Variants in NEDD9 observed in about 807,000 individuals in gnomAD.
The protein encoded by NEDD9 is neural precursor cell expressed, developmentally down-regulated 9.
Under a neutral mutation model 76.6 loss-of-function variants are expected in NEDD9, and 26 were observed. The observed-to-expected ratio is 0.34, with a 90% CI of 0.25 to 0.47. The LOEUF is 0.47. NEDD9 is among the 20% of genes least tolerant of loss of function. The pLI is 1.00. For missense variants in NEDD9, 937 were observed against 1,058.5 expected, an observed-to-expected ratio of 0.89 and a Z score of 1.59; for synonymous variants, 392 against 414.2, an observed-to-expected ratio of 0.95 and a Z score of 0.65.
At chr6:11,371,967 T>C (rs1047047893) in intron 1 of NEDD9, among the ~76,000 whole-genome samples, 1 of 152,198 alleles carries the variant, frequency 6.6e-6, no homozygotes, top group Non-Finnish European at 1.5e-5. Flanking sequence ...CAAGCATTTA[T>C]CCTCTGTGTT....
At chr6:11,303,397 T>C (rs999783507) in intron 3 of NEDD9, among the ~76,000 whole-genome samples, 1 of 152,276 alleles carries the variant, frequency 6.6e-6, no homozygotes, top group African/African-American at 2.4e-5. Flanking sequence ...ACATTCCATG[T>C]TCATGGATAG....
chr6:11,283,276 T>C (rs1349747054), intron 3 of NEDD9, among the ~76,000 whole-genome samples: 1 of 151,978 alleles, frequency 6.6e-6, no homozygotes, highest in Non-Finnish European at 1.5e-5. Flanking sequence ...ATTACAACCT[T>C]TGTGTTTATT....
At chr6:11,265,936 G>A (rs1214094903) in intron 3 of NEDD9, among the ~76,000 whole-genome samples, 1 of 151,284 alleles carries the variant, frequency 6.6e-6, no homozygotes, top group African/African-American at 2.4e-5. Flanking sequence ...CAGACACAGA[G>A]AGTCAAATAC....
At chr6:11,330,540 T>A (rs73721567) in intron 2 of NEDD9, among the ~76,000 whole-genome samples, 2,133 of 152,262 alleles carry the variant, frequency 0.014, 48 homozygotes, top group African/African-American at 0.048. Context: ...TCTTTCCTCA[T>A]ATACACTCTG....
upstream of NEDD9, among the ~76,000 whole-genome samples, chr6:11,235,803 T>G (rs1436816083): frequency 6.6e-6 from 1 of 152,126 alleles, no homozygotes; most frequent in Non-Finnish European, 1.5e-5. This position sits in a 1 kb window ranked among gnomAD's most constrained non-coding sequence, Gnocchi z 4.1. Context: ...AGCTGTCTAG[T>G]GTGCTTAGCG....
At chr6:11,185,753 A>T (rs1411920492) in intron 6 of NEDD9, 82 bp from the exon 7 acceptor site, 2 of 1,530,486 alleles carry the variant, frequency 1.3e-6, no homozygotes, top group Non-Finnish European at 8.8e-7. Flanking sequence ...GAGTTAAAAG[A>T]CAGGGATTTT....
At chr6:11,324,173 C>T (rs191932404) in intron 2 of NEDD9, among the ~76,000 whole-genome samples, 58 of 152,332 alleles carry the variant, frequency 3.8e-4, no homozygotes, top group Admixed American at 3.9e-4. Flanking sequence ...CCCTTGCCTT[C>T]ATTTTGTGGC....
At chr6:11,293,952 C>T (rs1760832699) in intron 3 of NEDD9, among the ~76,000 whole-genome samples, 1 of 151,892 alleles carries the variant, frequency 6.6e-6, no homozygotes, top group Non-Finnish European at 1.5e-5. Context: ...TCCACATTGT[C>T]ACAAATGACA....
chr6:11,329,649 C>T (rs959444365), intron 2 of NEDD9, among the ~76,000 whole-genome samples: 43 of 152,262 alleles, frequency 2.8e-4, no homozygotes, highest in Admixed American at 4.6e-4. Flanking sequence ...CTCATAAGCA[C>T]GCTTGCAGAT....
chr6:11,248,522 G>A (rs1048232658), intron 3 of NEDD9, among the ~76,000 whole-genome samples: 1 of 152,214 alleles, frequency 6.6e-6, no homozygotes, highest in African/African-American at 2.4e-5. Context: ...GAAAATTGAT[G>A]TTGTACAGAA....
At chr6:11,309,067 C>A (rs1761285002) in intron 2 of NEDD9, among the ~76,000 whole-genome samples, 1 of 152,194 alleles carries the variant, frequency 6.6e-6, no homozygotes, top group African/African-American at 2.4e-5. Flanking sequence ...TCATTCCCTC[C>A]TTAGTTTTCT....
chr6:11,273,094 G>A (rs962606931), intron 3 of NEDD9, among the ~76,000 whole-genome samples: 3 of 151,984 alleles, frequency 2.0e-5, no homozygotes, highest in Non-Finnish European at 2.9e-5. Context: ...CTCTGTGCTG[G>A]CATCTGAAAA....
intron 2 of NEDD9, among the ~76,000 whole-genome samples, chr6:11,196,501 C>A (rs532489942): frequency 6.6e-6 from 1 of 152,140 alleles, no homozygotes; most frequent in East Asian, 1.9e-4. Flanking sequence ...TAATGCTTCC[C>A]GGTATTTAAC....
intron 1 of NEDD9, among the ~76,000 whole-genome samples, chr6:11,222,911 A>G (rs1384110880): frequency 6.6e-6 from 1 of 152,220 alleles, no homozygotes; most frequent in Non-Finnish European, 1.5e-5. Context: ...ATTTTTAAGG[A>G]GAAGGAGTAG....
chr6:11,313,807 T>C (rs1369062499), intron 2 of NEDD9, among the ~76,000 whole-genome samples: 1 of 152,224 alleles, frequency 6.6e-6, no homozygotes, highest in East Asian at 1.9e-4. Flanking sequence ...TCTTTTATTA[T>C]TTTGGAAGTC....
intron 2 of NEDD9, among the ~76,000 whole-genome samples, chr6:11,325,351 T>C (rs966351043): frequency 7.2e-6 from 1 of 139,734 alleles, no homozygotes; most frequent in African/African-American, 2.9e-5. Flanking sequence ...AGGGACTCTG[T>C]CTCAAAAAAA....
At chr6:11,333,014 A>G (rs1158131092) in intron 2 of NEDD9, among the ~76,000 whole-genome samples, 1 of 150,572 alleles carries the variant, frequency 6.6e-6, no homozygotes, top group Non-Finnish European at 1.5e-5. Context: ...ATAATGGTCC[A>G]TACACTTCAG....
At chr6:11,318,603 T>C (rs1486631346) in intron 2 of NEDD9, among the ~76,000 whole-genome samples, 1 of 152,184 alleles carries the variant, frequency 6.6e-6, no homozygotes, top group African/African-American at 2.4e-5. Flanking sequence ...GTTGCTAGCA[T>C]AAGGTCATAC....
chr6:11,342,906 C>G (rs1762300301), intron 1 of NEDD9, among the ~76,000 whole-genome samples: 1 of 152,134 alleles, frequency 6.6e-6, no homozygotes, highest in African/African-American at 2.4e-5. Context: ...ACAGGAAAAA[C>G]TAACCTATAA....
Sources: allele counts gnomAD v4.1 joint callset (sites outside exome capture counted in the v4.1 genomes callset), GRCh38; gene constraint gnomAD v4.1.1; non-coding constraint Gnocchi (gnomAD v3.1); transcripts MANE v1.5; gene names NCBI Gene and HGNC (gene_info 2026-07-23, HGNC 2026-07-21).